Variants in PLCL1 observed in about 807,000 individuals in gnomAD.
PLCL1 encodes the protein phospholipase C like 1 (inactive).
PLCL1 carries 41 observed loss-of-function variants against 84.4 expected under a neutral mutation model. The ratio of observed to expected loss-of-function variants is 0.49; its 90% CI spans 0.38 to 0.63. PLCL1 has a LOEUF of 0.63. PLCL1 is among the 30% of genes least tolerant of loss of function. The pLI is 0.00. For missense variants in PLCL1, 1,206 were observed against 1,367.8 expected (o/e 0.88, Z 1.87); for synonymous variants, 490 against 488.3 (o/e 1.00, Z -0.05).
chr2:198,046,879 A>C (rs946525163), intron 1 of PLCL1, among the ~76,000 whole-genome samples: 1 of 152,164 alleles, frequency 6.6e-6, no homozygotes, highest in African/African-American at 2.4e-5. Flanking sequence ...ACCTTCATAT[A>C]TTCTGTATCA....
At chr2:197,994,088 T>C (rs529250584) in intron 1 of PLCL1, among the ~76,000 whole-genome samples, 40 of 152,284 alleles carry the variant, frequency 2.6e-4, no homozygotes, top group African/African-American at 9.4e-4. Context: ...GCTCTAAAAA[T>C]TCCACTGAAG....
chr2:197,837,877 A>C (rs1250361016), intron 1 of PLCL1, among the ~76,000 whole-genome samples: 1 of 152,246 alleles, frequency 6.6e-6, no homozygotes, highest in Admixed American at 6.5e-5. Context: ...CAGGGAAGCG[A>C]AACAGCAGCA....
chr2:198,000,861 G>C (rs1001389047), intron 1 of PLCL1, among the ~76,000 whole-genome samples: 1 of 152,024 alleles, frequency 6.6e-6, no homozygotes, highest in Middle Eastern at 3.4e-3. Flanking sequence ...AATATGCACA[G>C]TTCCTATTCT....
chr2:197,897,170 T>TCTC (rs1688159605), intron 1 of PLCL1, among the ~76,000 whole-genome samples: 1 of 47,734 alleles, frequency 2.1e-5, no homozygotes, highest in Non-Finnish European at 3.9e-5. Context: ...TTCTTCTTCT[T>TCTC]CTTCTTCTTC....
chr2:197,963,190 A>G (rs1607376), intron 1 of PLCL1, among the ~76,000 whole-genome samples: 74,908 of 151,826 alleles, frequency 0.49, 18,999 homozygotes, highest in African/African-American at 0.58. Context: ...TACAACCACT[A>G]TGGATTGTAC....
intron 1 of PLCL1, among the ~76,000 whole-genome samples, chr2:197,956,320 T>C (rs576640230): frequency 1.3e-5 from 2 of 152,292 alleles, no homozygotes; most frequent in African/African-American, 4.8e-5. Context: ...CAGTCAGTCA[T>C]TGATGGGCAT....
chr2:198,054,084 C>T (rs1692006714), intron 1 of PLCL1, among the ~76,000 whole-genome samples: 2 of 152,112 alleles, frequency 1.3e-5, no homozygotes, highest in Non-Finnish European at 2.9e-5. Flanking sequence ...CAAAGAAGGT[C>T]ATTACATAAG....
chr2:197,992,470 G>A (rs1690365532), intron 1 of PLCL1, among the ~76,000 whole-genome samples: 1 of 151,848 alleles, frequency 6.6e-6, no homozygotes, highest in Admixed American at 6.6e-5. Flanking sequence ...TTGCCATGTT[G>A]CCCAGGCTGG....
chr2:197,821,008 A>G (rs1019563546), intron 1 of PLCL1, among the ~76,000 whole-genome samples: 8 of 152,150 alleles, frequency 5.3e-5, no homozygotes, highest in African/African-American at 1.7e-4. Flanking sequence ...CATTTTAAAG[A>G]TCAAGTAGAT....
At chr2:197,975,103 T>TGCAGTCC (rs1463692827) in intron 1 of PLCL1, among the ~76,000 whole-genome samples, 1 of 128,914 alleles carries the variant, frequency 7.8e-6, no homozygotes, top group Non-Finnish European at 1.5e-5. Context: ...ATTGCGCCAC[T>TGCAGTCC]GCAGTCCGCA....
intron 1 of PLCL1, among the ~76,000 whole-genome samples, chr2:197,840,801 C>G (rs915193710): frequency 6.6e-6 from 1 of 152,058 alleles, no homozygotes; most frequent in Admixed American, 6.6e-5. Context: ...TTTATAGTCC[C>G]CTTTGTTTGG....
intron 1 of PLCL1, among the ~76,000 whole-genome samples, chr2:197,830,105 C>G (rs899121156): frequency 6.6e-6 from 1 of 151,970 alleles, no homozygotes; most frequent in Non-Finnish European, 1.5e-5. Context: ...AACCAGAATG[C>G]CCCTTCTCCT....
At chr2:197,838,334 GA>G (rs1691231658) in intron 1 of PLCL1, among the ~76,000 whole-genome samples, 1 of 152,198 alleles carries the variant, frequency 6.6e-6, no homozygotes, top group Admixed American at 6.5e-5. Flanking sequence ...CTTCTCCAAA[GA>G]AAAACACTTA....
intron 5 of PLCL1, among the ~76,000 whole-genome samples, chr2:198,137,315 C>T (rs1401173160): frequency 3.9e-5 from 6 of 152,220 alleles, no homozygotes; most frequent in African/African-American, 1.4e-4. Context: ...AGGAGTCCTT[C>T]GAATGGCTCG....
chr2:198,035,856 GAAACCCCATCTCTACTAAAAA>G (rs1274947660), intron 1 of PLCL1, among the ~76,000 whole-genome samples: 1 of 152,150 alleles, frequency 6.6e-6, no homozygotes, highest in African/African-American at 2.4e-5. Flanking sequence ...CCAACATGGC[GAAACCCCATCTCTACTAAAAA>G]TACAAAAAAA....
intron 5 of PLCL1, among the ~76,000 whole-genome samples, chr2:198,119,030 A>G (rs747113015): frequency 2.0e-5 from 3 of 152,008 alleles, no homozygotes; most frequent in Non-Finnish European, 4.4e-5. Context: ...CACAGTAGAG[A>G]AGCCCAAGAA....
At chr2:197,813,117 C>T (rs976584004) in intron 1 of PLCL1, among the ~76,000 whole-genome samples, 6 of 152,164 alleles carry the variant, frequency 3.9e-5, no homozygotes, top group African/African-American at 1.4e-4. Flanking sequence ...CTAAGCCTCC[C>T]TTGGCTCAGG....
intron 1 of PLCL1, among the ~76,000 whole-genome samples, chr2:197,890,204 T>A (rs966538857): frequency 3.1e-4 from 47 of 152,322 alleles, no homozygotes; most frequent in Admixed American, 9.1e-4. Flanking sequence ...ATTGGTATTG[T>A]CAAAATTGAG....
chr2:197,942,690 G>C (rs1392684138), intron 1 of PLCL1, among the ~76,000 whole-genome samples: 5 of 152,174 alleles, frequency 3.3e-5, no homozygotes, highest in Non-Finnish European at 7.3e-5. Flanking sequence ...GGGTGCCCCA[G>C]TAAAGATTCT....
Sources: gnomAD v4.1 joint callset for allele counts (sites outside exome capture counted in the v4.1 genomes callset) on GRCh38, gnomAD v4.1.1 for gene constraint, MANE v1.5 for transcripts, NCBI Gene and HGNC (gene_info 2026-07-23, HGNC 2026-07-21) for gene names.